PPARGC1B: variants seen among roughly 807,000 people sequenced by gnomAD.
The protein encoded by PPARGC1B is PPARG coactivator 1 beta, also known as peroxisome proliferator-activated receptor gamma coactivator 1-beta.
A neutral mutation model predicts 101.6 loss-of-function variants in PPARGC1B; 34 were observed. That is an observed-to-expected ratio of 0.33 (90% CI 0.25 to 0.45). PPARGC1B has a LOEUF of 0.45. Ranked by LOEUF, PPARGC1B falls within the 20% of genes least tolerant of loss-of-function variation. The probability of loss-of-function intolerance (pLI) is 1.00; values close to 1 mark genes in which losing one functional copy is unlikely to be tolerated. For missense variants in PPARGC1B, 1,234 were observed against 1,317.6 expected, an observed-to-expected ratio of 0.94 and a Z score of 0.98; for synonymous variants, 548 against 539.3, an observed-to-expected ratio of 1.02 and a Z score of -0.22.
intron 2 of PPARGC1B, among the ~76,000 whole-genome samples, chr5:149,820,851 G>C (rs564157125): frequency 6.6e-6 from 1 of 152,128 alleles, no homozygotes; most frequent in East Asian, 1.9e-4. Context: ...TGCTCTCTAG[G>C]CCTCCCGAGC....
intron 1 of PPARGC1B, among the ~76,000 whole-genome samples, chr5:149,798,638 A>G (rs138442688): frequency 1.8e-3 from 276 of 152,282 alleles, no homozygotes; most frequent in African/African-American, 5.8e-3. Flanking sequence ...GCTCCAGCCA[A>G]TGGAGTTCTA....
At chr5:149,843,078 G>C (rs1349771032) in intron 10 of PPARGC1B, among the ~76,000 whole-genome samples, 1 of 152,218 alleles carries the variant, frequency 6.6e-6, no homozygotes, top group Non-Finnish European at 1.5e-5. Flanking sequence ...TGAGGCAGGA[G>C]AATCCCTTGA....
At chr5:149,735,593 C>G (rs888340524) in intron 1 of PPARGC1B, among the ~76,000 whole-genome samples, 1 of 152,204 alleles carries the variant, frequency 6.6e-6, no homozygotes, top group Admixed American at 6.5e-5. Flanking sequence ...ATTTCATTCT[C>G]ATAGATATTG....
At chr5:149,773,094 GC>G (rs1433668637) in intron 1 of PPARGC1B, among the ~76,000 whole-genome samples, 1 of 152,176 alleles carries the variant, frequency 6.6e-6, no homozygotes, top group African/African-American at 2.4e-5. Context: ...TACCAGCTCT[GC>G]CCATGCTTAG....
Position 149,730,468 on chromosome 5 carries a change from C to A in PPARGC1B, c.78+48C>A. On this transcript the variant is annotated intron_variant, in intron 1 of 11. Transcript: ENST00000309241. The surrounding 1 kb of genome is among the most constrained non-coding windows in gnomAD (Gnocchi z 4.0). ...GCCCGGGGCCAGGGGTGCTGAGCTG[C>A]GGGGGCCGCAGCTGCAGCCGCGGAG... The A allele has an allele frequency of 7.0e-7, 1 of 1,436,790 alleles. No homozygotes were observed. Among genetic ancestry groups the A allele is most frequent in the Non-Finnish European group, 9.3e-7 (1 of 1,076,396 alleles). The allele number at this position is 1,436,790 out of a possible 1,614,324, so 89.0% of individuals were successfully genotyped here. A position where few individuals can be genotyped will look rare whatever the true frequency, so the allele number is the denominator to read the frequency against.
intron 1 of PPARGC1B, among the ~76,000 whole-genome samples, chr5:149,785,931 T>A (rs1756787867): frequency 1.3e-5 from 2 of 150,892 alleles, no homozygotes; most frequent in Admixed American, 6.6e-5. Context: ...TTTTTTTTTT[T>A]CTTTTTTTGA....
At chr5:149,744,323 G>C (rs1177855095) in intron 1 of PPARGC1B, among the ~76,000 whole-genome samples, 1 of 152,222 alleles carries the variant, frequency 6.6e-6, no homozygotes, top group African/African-American at 2.4e-5. Context: ...GGTTCTGTTA[G>C]TGTGTGCCTA....
chr5:149,819,552 G>A (rs983916202), intron 1 of PPARGC1B, among the ~76,000 whole-genome samples: 1 of 152,050 alleles, frequency 6.6e-6, no homozygotes, highest in Non-Finnish European at 1.5e-5. Flanking sequence ...ACCCAGGCTG[G>A]AGTGCAGTGG....
chr5:149,754,028 A>C (rs1171589481), intron 1 of PPARGC1B, among the ~76,000 whole-genome samples: 1 of 152,230 alleles, frequency 6.6e-6, no homozygotes, highest in Non-Finnish European at 1.5e-5. Context: ...GTATATTGTC[A>C]CATTCCTGTC....
intron 1 of PPARGC1B, among the ~76,000 whole-genome samples, chr5:149,759,600 G>C (rs534497007): frequency 1.4e-4 from 21 of 152,242 alleles, no homozygotes; most frequent in Non-Finnish European, 2.8e-4. Context: ...ATACAAATGA[G>C]AGTTAGCCTG....
intron 1 of PPARGC1B, among the ~76,000 whole-genome samples, chr5:149,787,181 T>C (rs960079693): frequency 7.9e-5 from 12 of 152,222 alleles, no homozygotes; most frequent in African/African-American, 2.9e-4. Context: ...TCCAGTAGCA[T>C]CAGCCAGTAT....
intron 1 of PPARGC1B, among the ~76,000 whole-genome samples, chr5:149,743,047 C>A (rs1754965082): frequency 6.6e-6 from 1 of 152,082 alleles, no homozygotes. Flanking sequence ...TCCATTTATT[C>A]AGGGCCCACT....
chr5:149,777,172 A>T (rs918442560), intron 1 of PPARGC1B, among the ~76,000 whole-genome samples: 1 of 152,094 alleles, frequency 6.6e-6, no homozygotes. Flanking sequence ...GGCTTTTTTC[A>T]TCTACGATTT....
At chr5:149,841,578 A>G (rs1404088328) in intron 9 of PPARGC1B, among the ~76,000 whole-genome samples, 1 of 152,228 alleles carries the variant, frequency 6.6e-6, no homozygotes, top group African/African-American at 2.4e-5. Context: ...ACAGATTTCC[A>G]GGAACAAGCC....
chr5:149,793,536 T>C (rs1031487754), intron 1 of PPARGC1B, among the ~76,000 whole-genome samples: 2 of 152,144 alleles, frequency 1.3e-5, no homozygotes, highest in Non-Finnish European at 2.9e-5. Flanking sequence ...GCCTCTGCCT[T>C]CTGGAATCCA....
At chr5:149,812,497 C>G (rs1757903751) in intron 1 of PPARGC1B, among the ~76,000 whole-genome samples, 2 of 152,134 alleles carry the variant, frequency 1.3e-5, no homozygotes, top group Admixed American at 1.3e-4. Context: ...GATAGAAACT[C>G]CAAGTGGCAT....
chr5:149,730,459 G>A lies in PPARGC1B; in HGVS notation c.78+39G>A. The A allele has an allele frequency of 6.7e-7, 1 of 1,485,016 alleles. No homozygotes were observed. The allele number at this position is 1,485,016 out of a possible 1,614,324, so 92.0% of individuals were successfully genotyped here. Reference sequence around the variant, plus strand: ...GGGCTGCGGGCCCGGGGCCAGGGGTGCTGAGCTGCGGGGGCCGCAGCTGCA... The same window carrying A: ...GGGCTGCGGGCCCGGGGCCAGGGGTACTGAGCTGCGGGGGCCGCAGCTGCA... On this transcript the variant is annotated intron_variant, in intron 1 of 11. Coordinates refer to ENST00000309241, the MANE Select transcript of PPARGC1B (RefSeq NM_133263.4). The surrounding 1 kb of genome is among the most constrained non-coding windows in gnomAD (Gnocchi z 4.0).
rs1388647711 is a variant in PPARGC1B at position 149,771,134 on chromosome 5, C to T, written c.78+40714C>T. ...CGTACAAATGGAGGCTCCCCGCCTG[C>T]GTGTGGGGGGCCGTGTGCGCATGCA... is the stretch of plus-strand genomic sequence containing the variant. On this transcript the variant is annotated intron_variant, in intron 1 of 11. Transcript: ENST00000309241. 2.6e-5 allele frequency among the ~76,000 whole-genome samples: 4 copies of T among 152,208 alleles called. No homozygotes were observed. The East Asian group carries it at 5.8e-4, about 22-fold the overall frequency.
rs754665090 is a variant in PPARGC1B, at chr5:149,820,557, CAG to C, written c.207_208del (p.Glu69AspfsTer2). 6.2e-7 allele frequency: 1 copy of C among 1,613,936 alleles called. No individual in the cohort carries two copies. The highest frequency in any genetic ancestry group is 1.7e-5 in the Admixed American group (1 of 60,018). ...GAGCTGCAGTGGTGCCCAGAGAACTCAGAGACTGAACCCAACCAGTACAGCCC... is the reference window on the plus strand; with the variant it reads ...GAGCTGCAGTGGTGCCCAGAGAACTCAGACTGAACCCAACCAGTACAGCCC... On this transcript the variant is annotated frameshift_variant, in exon 2 of 12. Coordinates refer to ENST00000309241, the MANE Select transcript of PPARGC1B (RefSeq NM_133263.4). LOFTEE classifies it high-confidence loss of function.
Sources: allele counts gnomAD v4.1 joint callset (sites outside exome capture counted in the v4.1 genomes callset), GRCh38; gene constraint gnomAD v4.1.1; non-coding constraint Gnocchi (gnomAD v3.1); transcripts MANE v1.5; gene names NCBI Gene and HGNC (gene_info 2026-07-23, HGNC 2026-07-21).